Variants in SUPT3H observed in about 807,000 individuals in gnomAD.
SUPT3H encodes SPT3 homolog, SAGA and STAGA complex component.
In SUPT3H, 44 loss-of-function variants were observed where a neutral mutation model predicts 44.3. The observed-to-expected ratio is 0.99, with a 90% CI of 0.78 to 1.28. The LOEUF is 1.28. Ranked by LOEUF, SUPT3H falls within the 50% of genes most tolerant of loss-of-function variation. The pLI, the probability that SUPT3H is intolerant of heterozygous loss-of-function variation, is 0.00. For missense variants in SUPT3H, 380 were observed against 387.1 expected, an observed-to-expected ratio of 0.98 and a Z score of 0.15; for synonymous variants, 124 against 125.6, an observed-to-expected ratio of 0.99 and a Z score of 0.09.
intron 2 of SUPT3H, among the ~76,000 whole-genome samples, chr6:45,177,336 G>T (rs1287157326): frequency 2.0e-5 from 3 of 152,138 alleles, no homozygotes; most frequent in Non-Finnish European, 2.9e-5. Context: ...AAGATGAAAT[G>T]AATGAAATGA....
chr6:45,274,295 A>G (rs1315279993), intron 2 of SUPT3H, among the ~76,000 whole-genome samples: 1 of 152,214 alleles, frequency 6.6e-6, no homozygotes, highest in Non-Finnish European at 1.5e-5. Flanking sequence ...AATTACAATG[A>G]TGTCCAATTT....
chr6:45,272,126 G>A (rs569351122), intron 2 of SUPT3H, among the ~76,000 whole-genome samples: 13 of 152,342 alleles, frequency 8.5e-5, no homozygotes, highest in African/African-American at 2.9e-4. Context: ...TGTCTCAGAT[G>A]AGACTTGGGA....
intron 10 of SUPT3H, among the ~76,000 whole-genome samples, chr6:44,932,315 T>C (rs1770709882): frequency 6.6e-6 from 1 of 152,198 alleles, no homozygotes; most frequent in African/African-American, 2.4e-5. Flanking sequence ...ATCTAACCAA[T>C]TTTAAAATAT....
chr6:44,895,591 A>G (rs1363193712), intron 10 of SUPT3H, among the ~76,000 whole-genome samples: 1 of 152,176 alleles, frequency 6.6e-6, no homozygotes, highest in East Asian at 1.9e-4. Flanking sequence ...AACCAGTGAA[A>G]TTACTTTCTA....
chr6:45,167,252 C>A (rs1810043468), intron 2 of SUPT3H, among the ~76,000 whole-genome samples: 1 of 152,070 alleles, frequency 6.6e-6, no homozygotes, highest in Non-Finnish European at 1.5e-5. Flanking sequence ...ATGGCAAGAA[C>A]AAAGAGGAAA....
chr6:44,859,370 C>A (rs568244855), intron 10 of SUPT3H, among the ~76,000 whole-genome samples: 2 of 152,184 alleles, frequency 1.3e-5, no homozygotes, highest in African/African-American at 4.8e-5. Context: ...TTCAACAATT[C>A]TTCAGCCTCT....
intron 2 of SUPT3H, among the ~76,000 whole-genome samples, chr6:45,119,011 A>C (rs1030856464): frequency 6.6e-6 from 1 of 152,182 alleles, no homozygotes; most frequent in African/African-American, 2.4e-5. Flanking sequence ...ATCGTAGTTG[A>C]GTTATCATAG....
intron 1 of SUPT3H, 114 bp from the exon 2 acceptor site, chr6:45,365,415 G>A: frequency 1.5e-6 from 1 of 685,820 alleles, no homozygotes; most frequent in Admixed American, 2.9e-5. Flanking sequence ...TTAAATTTCT[G>A]ATTTGTTTTG....
At chr6:45,074,912 TAAAC>T (rs1410861575) in intron 3 of SUPT3H, among the ~76,000 whole-genome samples, 1 of 152,102 alleles carries the variant, frequency 6.6e-6, no homozygotes, top group Non-Finnish European at 1.5e-5. Context: ...AATAATTTAA[TAAAC>T]ATACATATAC....
At chr6:45,120,905 T>C (rs1801566299) in intron 2 of SUPT3H, among the ~76,000 whole-genome samples, 1 of 152,174 alleles carries the variant, frequency 6.6e-6, no homozygotes, top group African/African-American at 2.4e-5. Context: ...TTCCCAAGGC[T>C]AAAATTTGAA....
chr6:45,005,319 A>C (rs1001182831), intron 5 of SUPT3H, among the ~76,000 whole-genome samples: 8 of 152,162 alleles, frequency 5.3e-5, no homozygotes, highest in Admixed American at 2.6e-4. Context: ...GCCCATTTTC[A>C]ACTGGGTTGC....
At chr6:45,181,609 C>A (rs866786636) in intron 2 of SUPT3H, among the ~76,000 whole-genome samples, 1 of 150,776 alleles carries the variant, frequency 6.6e-6, no homozygotes, top group Non-Finnish European at 1.5e-5. Flanking sequence ...AGTAAACCAT[C>A]GCAAGGACAA....
intron 10 of SUPT3H, among the ~76,000 whole-genome samples, chr6:44,923,603 T>C (rs928813925): frequency 2.0e-5 from 3 of 152,052 alleles, no homozygotes; most frequent in Non-Finnish European, 4.4e-5. Flanking sequence ...TGTTTACTAA[T>C]AACACAAAGT....
At chr6:45,370,895 C>T (rs75969313) in intron 1 of SUPT3H, among the ~76,000 whole-genome samples, 2,652 of 152,124 alleles carry the variant, frequency 0.017, 50 homozygotes, top group South Asian at 0.085. Context: ...ATATCCAGTA[C>T]TCTCACAGAA....
intron 3 of SUPT3H, among the ~76,000 whole-genome samples, chr6:45,022,403 T>C (rs1785270321): frequency 7.7e-6 from 1 of 129,932 alleles, no homozygotes; most frequent in Non-Finnish European, 1.6e-5. Context: ...GAGTTGAACA[T>C]TTGGAATCAC....
chr6:45,177,463 G>A lies in SUPT3H; in HGVS notation c.102-71457C>T, dbSNP rs375253664. Among the ~76,000 whole-genome samples, 314 of 152,174 alleles carry A rather than the reference G, an allele frequency of 2.1e-3. 1 individual carries two copies. Among genetic ancestry groups the A allele is most frequent in the African/African-American group, 6.6e-3 (273 of 41,510 alleles). On this transcript the variant is annotated intron_variant, in intron 2 of 10. Coordinates refer to ENST00000371459, the MANE Select transcript of SUPT3H (RefSeq NM_003599.4). ...TCTGATTGGTGTACTTGAAAGTGAC[G>A]GGGAGAATGGAACCAAGTTGGAAAA...
chr6:44,889,547 C>G (rs1210938849), intron 10 of SUPT3H, among the ~76,000 whole-genome samples: 1 of 152,194 alleles, frequency 6.6e-6, no homozygotes, highest in Non-Finnish European at 1.5e-5. Context: ...GCTGGGAAAA[C>G]TGGCTAGCCA....
chr6:44,823,392 AAAG>A (rs1201413150), downstream of SUPT3H, among the ~76,000 whole-genome samples: 1 of 152,138 alleles, frequency 6.6e-6, no homozygotes, highest in Non-Finnish European at 1.5e-5. Context: ...AAAACCTAGG[AAAG>A]AAGAGGCAGA....
At chr6:44,953,795 G>A (rs1218559953) in intron 8 of SUPT3H, among the ~76,000 whole-genome samples, 2 of 151,962 alleles carry the variant, frequency 1.3e-5, no homozygotes, top group South Asian at 2.1e-4. Context: ...GCAATGGTGC[G>A]ACCTCAGCTC....
Sources: allele counts gnomAD v4.1 joint callset (sites outside exome capture counted in the v4.1 genomes callset), GRCh38; gene constraint gnomAD v4.1.1; transcripts MANE v1.5; gene names NCBI Gene and HGNC (gene_info 2026-07-23, HGNC 2026-07-21).